Variants in RBFOX1 observed in about 807,000 individuals in gnomAD.
RBFOX1 encodes the protein RNA binding fox-1 homolog 1, also known as RNA binding protein fox-1 homolog 1.
In RBFOX1, 8 loss-of-function variants were observed where a neutral mutation model predicts 57.7. That is an observed-to-expected ratio of 0.14 (90% CI 0.08 to 0.25). The LOEUF (loss-of-function observed/expected upper bound fraction) is 0.25. RBFOX1 is among the 10% of genes least tolerant of loss of function. The pLI is 1.00. For missense variants in RBFOX1, 611 were observed against 548.5 expected (o/e 1.11, Z -1.14); for synonymous variants, 326 against 222.4 (o/e 1.47, Z -4.15).
intron 3 of RBFOX1, among the ~76,000 whole-genome samples, chr16:5,756,619 A>C (rs184817785): frequency 6.6e-6 from 1 of 152,312 alleles, no homozygotes; most frequent in Admixed American, 6.5e-5. Context: ...CTAATCTGGC[A>C]CCATTTATGC....
chr16:6,756,561 A>C (rs75397562), intron 3 of RBFOX1, among the ~76,000 whole-genome samples: 2 of 152,220 alleles, frequency 1.3e-5, no homozygotes, highest in Non-Finnish European at 2.9e-5. Flanking sequence ...TTTGCAAGCT[A>C]TTCAGTCAAC....
chr16:7,227,016 AGTTGTG>A lies in RBFOX1; in HGVS notation c.27+174924_27+174929del, dbSNP rs545525922. Among the ~76,000 whole-genome samples the A allele has an allele frequency of 1.3e-4, 20 of 152,252 alleles. No individual in the cohort carries two copies. The South Asian group carries it at 3.9e-3, about 30-fold the overall frequency. On this transcript the variant is annotated intron_variant, in intron 4 of 15. Coordinates refer to ENST00000550418, the MANE Select transcript of RBFOX1 (RefSeq NM_018723.4). Reference sequence around the variant, plus strand: ...CCAGGATAAAAAATGGCTAAAGTTGAGTTGTGGTTGTCCTCTCCGGCATTGCACACT... The same window carrying A: ...CCAGGATAAAAAATGGCTAAAGTTGAGTTGTCCTCTCCGGCATTGCACACT...
At chr16:5,588,081 T>C (rs892631254) in intron 2 of RBFOX1, among the ~76,000 whole-genome samples, 1 of 152,150 alleles carries the variant, frequency 6.6e-6, no homozygotes, top group African/African-American at 2.4e-5. Flanking sequence ...CTTGGGAACA[T>C]GATGCTGAGA....
At chr16:5,996,421 G>T (rs1302616915) in intron 4 of RBFOX1, among the ~76,000 whole-genome samples, 1 of 150,534 alleles carries the variant, frequency 6.6e-6, no homozygotes, top group Non-Finnish European at 1.5e-5. Flanking sequence ...TTTGCAATCT[G>T]GTTGGAGGAG....
chr16:7,702,672 A>G (rs913300960), intron 14 of RBFOX1, among the ~76,000 whole-genome samples: 4 of 152,012 alleles, frequency 2.6e-5, no homozygotes, highest in Non-Finnish European at 5.9e-5. Flanking sequence ...ATTGGCTGTG[A>G]CTCCTTTCCA....
intron 3 of RBFOX1, among the ~76,000 whole-genome samples, chr16:6,888,968 A>G (rs937383324): frequency 7.2e-5 from 11 of 152,194 alleles, no homozygotes; most frequent in African/African-American, 2.2e-4. Flanking sequence ...ATGGGCAGAC[A>G]CAGCTTTTCT....
chr16:6,730,674 C>A (rs1568383805), intron 3 of RBFOX1, among the ~76,000 whole-genome samples: 1 of 152,184 alleles, frequency 6.6e-6, no homozygotes, highest in African/African-American at 2.4e-5. Context: ...GGTGAAATAA[C>A]ACCTCTTAGA....
At chr16:5,915,232 A>G (rs1390279970) in intron 4 of RBFOX1, among the ~76,000 whole-genome samples, 6 of 152,226 alleles carry the variant, frequency 3.9e-5, no homozygotes. Context: ...TAAGAGGTCA[A>G]GATCATCACT....
chr16:5,796,137 G>A lies in RBFOX1; in HGVS notation c.319-71166G>A, dbSNP rs1016178571. ...GAATTTTGGTGAGCTGTTTTGGAAG[G>A]TCATAAGCAGCTCAAGACTGGGCTC... On this transcript the variant is annotated intron_variant, in intron 3 of 19. Transcript: ENST00000641259. Among the ~76,000 whole-genome samples, 14 of 152,172 alleles carry A rather than the reference G, an allele frequency of 9.2e-5. 1 individual carries two copies. Among genetic ancestry groups the A allele is most frequent in the Admixed American group, 4.6e-4 (7 of 15,284 alleles).
Position 6,724,434 on chromosome 16 carries a change from C to T in RBFOX1, c.-16+69784C>T, listed in dbSNP as rs143153629. Among the ~76,000 whole-genome samples the T allele has an allele frequency of 2.3e-3, 344 of 152,102 alleles. 3 individuals carry two copies. Among genetic ancestry groups the T allele is most frequent in the African/African-American group, 7.9e-3 (328 of 41,518 alleles). On this transcript the variant is annotated intron_variant, in intron 3 of 15. Transcript: ENST00000550418. ...ATGTTGCCAGGCTGGTCTCGAACTC[C>T]TGACCTCAGGTGATCCACCCACCTC...
At chr16:6,831,275 T>C (rs1166838777) in intron 3 of RBFOX1, among the ~76,000 whole-genome samples, 3 of 152,222 alleles carry the variant, frequency 2.0e-5, no homozygotes. Flanking sequence ...CACCCAGGTC[T>C]TATAGTCCAA....
At chr16:5,813,299 T>C (rs910592163) in intron 3 of RBFOX1, among the ~76,000 whole-genome samples, 3 of 152,186 alleles carry the variant, frequency 2.0e-5, no homozygotes, top group Admixed American at 6.5e-5. Context: ...TACAATTCAG[T>C]GGTGTTAAAT....
Position 7,711,479 on chromosome 16 carries a change from C to T in RBFOX1, c.*734C>T, listed in dbSNP as rs796481287. 6.6e-6 allele frequency: 1 copy of T among 152,504 alleles called. No homozygotes were observed. The highest frequency in any genetic ancestry group is 2.4e-5 in the African/African-American group (1 of 41,416). The allele number at this position is 152,504 out of a possible 1,614,324, so 9.4% of individuals were successfully genotyped here. ...AAAAACCCACTAGTTAGGCCATCAA[C>T]AAGCATTCTTTTTATATTTCTTCCA... On this transcript the variant is annotated 3_prime_UTR_variant, in exon 16 of 16. Transcript: ENST00000550418.
chr16:6,747,105 A>G (rs2073855379), intron 3 of RBFOX1, among the ~76,000 whole-genome samples: 1 of 152,062 alleles, frequency 6.6e-6, no homozygotes, highest in African/African-American at 2.4e-5. Context: ...CAAATGGGAG[A>G]TCCTTAAATT....
intron 4 of RBFOX1, among the ~76,000 whole-genome samples, chr16:7,197,037 C>G (rs185243203): frequency 5.3e-5 from 8 of 152,270 alleles, no homozygotes; most frequent in African/African-American, 1.9e-4. Context: ...CACACCATAG[C>G]CATCTTTCAG....
At chr16:6,782,742 A>C (rs183554991) in intron 3 of RBFOX1, among the ~76,000 whole-genome samples, 2 of 152,122 alleles carry the variant, frequency 1.3e-5, no homozygotes, top group Non-Finnish European at 2.9e-5. Flanking sequence ...CTATTGATCA[A>C]TTTGTTCTGT....
At chr16:5,573,908 C>T (rs531929142) in intron 2 of RBFOX1, among the ~76,000 whole-genome samples, 29 of 152,192 alleles carry the variant, frequency 1.9e-4, no homozygotes, top group African/African-American at 6.0e-4. Flanking sequence ...GAGCTGTGAT[C>T]GCGCCACTGC....
Position 6,075,602 on chromosome 16 carries a change from C to A in RBFOX1, c.-127+55610C>A, listed in dbSNP as rs181831917. On this transcript the variant is annotated intron_variant, in intron 1 of 15. Transcript: ENST00000550418. ...AGATGTAATTCTTGTTACACATACA[C>A]ACACACAAAGACACACATTTAATCA... Among the ~76,000 whole-genome samples the A allele has an allele frequency of 1.5e-4, 23 of 152,324 alleles. 1 individual carries two copies. Among genetic ancestry groups the A allele is most frequent in the African/African-American group, 4.8e-4 (20 of 41,586 alleles).
In RBFOX1 at chr16:7,051,216, C is replaced by T. The variant is rs1189794665; in HGVS notation, c.-15-841C>T. Among the ~76,000 whole-genome samples, 3 of 152,112 alleles carry T rather than the reference C, an allele frequency of 2.0e-5. No homozygotes were observed. The South Asian group carries it at 6.2e-4, about 32-fold the overall frequency. On this transcript the variant is annotated intron_variant, in intron 3 of 15. Coordinates refer to ENST00000550418, the MANE Select transcript of RBFOX1 (RefSeq NM_018723.4). ...TATTTTAGTTGACAGTGGAGTCTACCAGCTCCTGATGACAGAATGACCATA... is the reference window on the plus strand; with the variant it reads ...TATTTTAGTTGACAGTGGAGTCTACTAGCTCCTGATGACAGAATGACCATA...
Sources: allele counts gnomAD v4.1 joint callset (sites outside exome capture counted in the v4.1 genomes callset), GRCh38; gene constraint gnomAD v4.1.1; transcripts MANE v1.5; gene names NCBI Gene and HGNC (gene_info 2026-07-23, HGNC 2026-07-21).